SP100: variants seen among roughly 807,000 people sequenced by gnomAD.
SP100 encodes the protein SP100 nuclear body protein.
In SP100, 84 loss-of-function variants were observed where a neutral mutation model predicts 130.0. The ratio of observed to expected loss-of-function variants is 0.65; its 90% confidence interval spans 0.54 to 0.77. The LOEUF (loss-of-function observed/expected upper bound fraction) is 0.77. SP100 is among the 30% of genes least tolerant of loss of function. The probability of loss-of-function intolerance (pLI) is 0.00; values close to 1 mark genes in which losing one functional copy is unlikely to be tolerated. For synonymous variants in SP100, 331 were observed against 351.7 expected (o/e 0.94, Z 0.66); for missense variants, 978 against 1,052.2 (o/e 0.93, Z 0.97).
chr2:230,435,481 TCTC>T (rs1321795737), intron 2 of SP100, among the ~76,000 whole-genome samples: 1 of 152,238 alleles, frequency 6.6e-6, no homozygotes, highest in African/African-American at 2.4e-5. Flanking sequence ...CTTTAACTAT[TCTC>T]TTCTCAAATG....
intron 13 of SP100, among the ~76,000 whole-genome samples, chr2:230,468,572 A>AG (rs1202919186): frequency 2.2e-5 from 2 of 91,522 alleles, no homozygotes; most frequent in Non-Finnish European, 6.4e-5. Flanking sequence ...TGGGAGGCTG[A>AG]GGGGCTGAGG....
chr2:230,441,354 T>G (rs2063461724), intron 2 of SP100, among the ~76,000 whole-genome samples: 1 of 152,208 alleles, frequency 6.6e-6, no homozygotes, highest in Non-Finnish European at 1.5e-5. Context: ...AATGGTTAAA[T>G]GTACTCTTAC....
chr2:230,528,679 A>G (rs1045337448), intron 24 of SP100, among the ~76,000 whole-genome samples: 1 of 152,224 alleles, frequency 6.6e-6, no homozygotes, highest in African/African-American at 2.4e-5. Flanking sequence ...ATAGACCACT[A>G]GCAAGACTAG....
In SP100 at chr2:230,482,697, C is replaced by CATATAT. The variant is rs71052513; in HGVS notation, c.1600+8260_1600+8265dup. ...ATAACATGCATCAAGCTGCCATTTA[C>CATATAT]ATATATATATATATAGGGTTTATTT... On this transcript the variant is annotated intron_variant, in intron 17 of 28. Coordinates refer to ENST00000340126, the MANE Select transcript of SP100 (RefSeq NM_001080391.2). 9.3e-3 allele frequency among the ~76,000 whole-genome samples: 1,395 copies of CATATAT among 149,982 alleles called. 7 individuals are homozygous for CATATAT. Among genetic ancestry groups the CATATAT allele is most frequent in the Admixed American group, 0.014 (212 of 14,996 alleles).
chr2:230,457,429 G>A (rs2064337170), intron 8 of SP100, among the ~76,000 whole-genome samples: 1 of 152,184 alleles, frequency 6.6e-6, no homozygotes, highest in Admixed American at 6.5e-5. Context: ...CCTGAGTCCT[G>A]GGGCTGCAGG....
chr2:230,504,636 C>T (rs1005120268), intron 21 of SP100, among the ~76,000 whole-genome samples: 1 of 152,110 alleles, frequency 6.6e-6, no homozygotes, highest in African/African-American at 2.4e-5. Flanking sequence ...CCAGGGAAAC[C>T]AGCCTGAGTT....
intron 20 of SP100, 54 bp downstream of exon 20, chr2:230,503,164 T>C: frequency 7.8e-7 from 1 of 1,290,242 alleles, no homozygotes; most frequent in Non-Finnish European, 1.1e-6. Flanking sequence ...ATATTTAATA[T>C]TCTGTACTGT....
At chr2:230,462,575 T>G in intron 10 of SP100, 57 bp downstream of exon 10, 1 of 1,289,968 alleles carries the variant, frequency 7.8e-7, no homozygotes, top group South Asian at 1.2e-5. Context: ...TAAGAGCTAC[T>G]ATTTCCTGAG....
chr2:230,451,829 TG>T (rs1465997246), intron 8 of SP100, among the ~76,000 whole-genome samples: 59 of 152,326 alleles, frequency 3.9e-4, no homozygotes, highest in Non-Finnish European at 5.6e-4. Flanking sequence ...TGGCATGAGA[TG>T]GGGTCAAATT....
chr2:230,495,178 G>A (rs529597896), intron 18 of SP100, among the ~76,000 whole-genome samples: 1 of 152,246 alleles, frequency 6.6e-6, no homozygotes, highest in East Asian at 1.9e-4. Flanking sequence ...GGGAACAGGA[G>A]GAAGTGTTAG....
chr2:230,504,305 C>T lies in SP100; in HGVS notation c.1870+15C>T, dbSNP rs773913702. ...ATTCAAACAAGGTGAGTTTACTGGT[C>T]CATCTACGATTTTCAGCTGGAAAAT... On this transcript the variant is annotated intron_variant, in intron 21 of 28. Transcript: ENST00000340126. 2.4e-5 allele frequency: 34 copies of T among 1,426,402 alleles called. No individual in the cohort carries two copies. In the African/African-American group the frequency reaches 3.9e-4, roughly 17 times the overall value. 88.4% of individuals were successfully genotyped at this position (1,426,402 alleles called of 1,614,324 possible).
At chr2:230,449,217 G>A in intron 6 of SP100, 67 bp downstream of exon 6, 1 of 1,504,906 alleles carries the variant, frequency 6.6e-7, no homozygotes, top group Non-Finnish European at 9.3e-7. Context: ...GTGCTGTGGG[G>A]TTGCCTCTTT....
At chr2:230,483,026 T>C (rs2065905850) in intron 17 of SP100, among the ~76,000 whole-genome samples, 1 of 152,264 alleles carries the variant, frequency 6.6e-6, no homozygotes, top group Non-Finnish European at 1.5e-5. Context: ...GATATCTCAC[T>C]ATTTATTCTT....
chr2:230,514,398 A>G (rs982392760), intron 24 of SP100, among the ~76,000 whole-genome samples: 7 of 152,222 alleles, frequency 4.6e-5, no homozygotes, highest in Admixed American at 2.6e-4. Context: ...CCAACTAAGA[A>G]AGAAAATTAA....
chr2:230,437,275 TA>T (rs750942481), intron 2 of SP100, among the ~76,000 whole-genome samples: 27 of 152,178 alleles, frequency 1.8e-4, no homozygotes, highest in Non-Finnish European at 3.1e-4. Flanking sequence ...AAAGTTGAAC[TA>T]TTTTTTTGTT....
At position 230,461,427 on chromosome 2, in the gene SP100, G is replaced by C. The variant is rs1360030343; in HGVS notation, c.973+13G>C. 6.2e-7 allele frequency: 1 copy of C among 1,613,722 alleles called. No individual in the cohort carries two copies. Among genetic ancestry groups the C allele is most frequent in the Admixed American group, 1.7e-5 (1 of 59,994 alleles). On this transcript the variant is annotated intron_variant, in intron 9 of 28. Coordinates refer to ENST00000340126, the MANE Select transcript of SP100 (RefSeq NM_001080391.2). ...TCTGACATAATAGGTAAGGCTGACT[G>C]GGAGAGTTTGTAACTGTGAGTCACA... is the stretch of plus-strand genomic sequence containing the variant.
chr2:230,446,361 G>A (rs967907026), intron 4 of SP100, among the ~76,000 whole-genome samples: 17 of 152,152 alleles, frequency 1.1e-4, no homozygotes, highest in Non-Finnish European at 2.2e-4. Flanking sequence ...CTCCTGCATC[G>A]GCCTCCCAAA....
chr2:230,501,517 T>G (rs2067022218), intron 19 of SP100, among the ~76,000 whole-genome samples: 2 of 152,160 alleles, frequency 1.3e-5, no homozygotes, highest in African/African-American at 4.8e-5. Flanking sequence ...CTCTAAGTAA[T>G]TGTTATGACA....
chr2:230,460,540 C>T (rs1352361381), intron 8 of SP100, among the ~76,000 whole-genome samples: 1 of 147,516 alleles, frequency 6.8e-6, no homozygotes, highest in Admixed American at 7.0e-5. Flanking sequence ...TTAGTGGAAA[C>T]AGTTAATGGG....
Sources: allele counts gnomAD v4.1 joint callset (sites outside exome capture counted in the v4.1 genomes callset), GRCh38; gene constraint gnomAD v4.1.1; transcripts MANE v1.5; gene names NCBI Gene and HGNC (gene_info 2026-07-23, HGNC 2026-07-21).